The following AVEN variants were observed in gnomAD, a reference collection of about 807,000 sequenced individuals.
The protein encoded by AVEN is apoptosis and caspase activation inhibitor.
In AVEN, 41 loss-of-function variants were observed where a neutral mutation model predicts 38.1. That is an observed-to-expected ratio of 1.08 (90% CI 0.84 to 1.40). The LOEUF is 1.40. Ranked by LOEUF, AVEN falls within the 40% of genes most tolerant of loss-of-function variation. The pLI, the probability that AVEN is intolerant of heterozygous loss-of-function variation, is 0.00. For missense variants in AVEN, 605 were observed against 438.8 expected, an observed-to-expected ratio of 1.38 and a Z score of -3.38; for synonymous variants, 206 against 171.8, an observed-to-expected ratio of 1.20 and a Z score of -1.56.
chr15:33,853,908 G>A (rs2079365933), downstream of AVEN, among the ~76,000 whole-genome samples: 1 of 152,140 alleles, frequency 6.6e-6, no homozygotes, highest in South Asian at 2.1e-4. Flanking sequence ...AAAATTTCAG[G>A]TTGGGCTGGG....
At chr15:33,998,503 A>C (rs1897021683) in intron 2 of AVEN, among the ~76,000 whole-genome samples, 1 of 152,138 alleles carries the variant, frequency 6.6e-6, no homozygotes, top group South Asian at 2.1e-4. Flanking sequence ...GTCTTGACTC[A>C]CTTCTCCCAC....
intron 2 of AVEN, among the ~76,000 whole-genome samples, chr15:33,945,336 A>C (rs895711229): frequency 6.6e-6 from 1 of 152,132 alleles, no homozygotes; most frequent in African/African-American, 2.4e-5. Context: ...TCTCCACCGT[A>C]AGTGTCTCAT....
At chr15:33,957,600 T>C (rs1188326334) in intron 2 of AVEN, among the ~76,000 whole-genome samples, 17 of 152,092 alleles carry the variant, frequency 1.1e-4, no homozygotes, top group Admixed American at 7.9e-4. Flanking sequence ...ATCAAATGTC[T>C]GTCAACAGGA....
Position 34,063,343 on chromosome 15 carries a change from T to C in AVEN, n.1216A>G. On this transcript the variant is annotated non_coding_transcript_exon_variant, in exon 5 of 12. Transcript: ENST00000675287. This position sits in a 1 kb window ranked among gnomAD's most constrained non-coding sequence, Gnocchi z 4.1. ...GCCTTCTACATCCCTGTTTCTGTCA[T>C]GACCATCCTCTACTGTCGAATCTAC... 2 of 1,614,190 alleles carry C rather than the reference T, an allele frequency of 1.2e-6. No homozygotes were observed. Among genetic ancestry groups the C allele is most frequent in the East Asian group, 2.2e-5 (1 of 44,886 alleles).
At chr15:33,993,208 GAAGGT>G (rs1230313729) in intron 2 of AVEN, among the ~76,000 whole-genome samples, 5 of 152,170 alleles carry the variant, frequency 3.3e-5, no homozygotes, top group African/African-American at 1.2e-4. Context: ...TTTTACGTTT[GAAGGT>G]AAGAGTGGGG....
At chr15:33,896,193 G>A (rs1892226163) in intron 2 of AVEN, among the ~76,000 whole-genome samples, 1 of 152,120 alleles carries the variant, frequency 6.6e-6, no homozygotes, top group African/African-American at 2.4e-5. Context: ...AGCAATTTCT[G>A]ATATGCCATC....
intron 3 of AVEN, among the ~76,000 whole-genome samples, chr15:33,871,713 T>TA (rs1196007903): frequency 6.7e-6 from 1 of 149,638 alleles, no homozygotes; most frequent in Non-Finnish European, 1.5e-5. Context: ...AGGAAAGGGC[T>TA]ATTTAGGCAG....
chr15:33,863,492 G>C (rs1889274649), downstream of AVEN, among the ~76,000 whole-genome samples: 2 of 152,134 alleles, frequency 1.3e-5, no homozygotes, highest in African/African-American at 4.8e-5. Context: ...GGAAGGGCAA[G>C]AGCCTGGTTC....
At chr15:34,054,826 T>C (rs1226860642) in intron 5 of AVEN, among the ~76,000 whole-genome samples, 1 of 152,206 alleles carries the variant, frequency 6.6e-6, no homozygotes, top group African/African-American at 2.4e-5. Context: ...CCTGCACATG[T>C]ATCCCTGAAC....
chr15:33,980,109 ACT>A (rs1170086583), intron 2 of AVEN, among the ~76,000 whole-genome samples: 1 of 152,228 alleles, frequency 6.6e-6, no homozygotes, highest in East Asian at 1.9e-4. Flanking sequence ...CTCATAGTAA[ACT>A]AGTATGACTC....
chr15:33,995,382 G>A lies in AVEN; in HGVS notation c.445+7650C>T, dbSNP rs1896891226. 2.0e-5 allele frequency among the ~76,000 whole-genome samples: 3 copies of A among 152,258 alleles called. 1 individual carries two copies. The highest frequency in any genetic ancestry group is 7.2e-5 in the African/African-American group (3 of 41,536). ...ACTTACATTGCATTAGATATTATAA[G>A]TGATTTAAAGATGATTTAAAGTATA... On this transcript the variant is annotated intron_variant, in intron 2 of 5. Transcript: ENST00000306730.
chr15:33,872,342 G>C (rs1891005297), intron 3 of AVEN, among the ~76,000 whole-genome samples: 1 of 152,196 alleles, frequency 6.6e-6, no homozygotes, highest in African/African-American at 2.4e-5. Flanking sequence ...AGTAAGAAAA[G>C]AACCCGCTAT....
At chr15:34,030,954 A>G (rs1029215388) in intron 1 of AVEN, among the ~76,000 whole-genome samples, 2 of 152,032 alleles carry the variant, frequency 1.3e-5, no homozygotes, top group African/African-American at 4.8e-5. Context: ...GTAACTGTGA[A>G]TGGTCTTTTC....
chr15:33,976,055 T>C (rs944144861), intron 2 of AVEN, among the ~76,000 whole-genome samples: 1 of 152,318 alleles, frequency 6.6e-6, no homozygotes, highest in East Asian at 1.9e-4. Context: ...AACTCTGCAA[T>C]TTACTTGCTT....
intron 2 of AVEN, among the ~76,000 whole-genome samples, chr15:34,070,388 T>G (rs969029540): frequency 6.6e-6 from 1 of 151,962 alleles, no homozygotes; most frequent in African/African-American, 2.4e-5. Context: ...TTTTTTTTTT[T>G]AAATCGAACT....
chr15:33,889,466 A>G (rs188819827), intron 2 of AVEN, among the ~76,000 whole-genome samples: 1 of 152,260 alleles, frequency 6.6e-6, no homozygotes, highest in East Asian at 1.9e-4. Flanking sequence ...ATAATATTAG[A>G]CTAATTAGGA....
At chr15:33,891,357 T>A (rs867640071) in intron 2 of AVEN, among the ~76,000 whole-genome samples, 1 of 152,158 alleles carries the variant, frequency 6.6e-6, no homozygotes, top group East Asian at 1.9e-4. Context: ...ACATTAGGTA[T>A]TTCTCCTAAT....
intron 1 of AVEN, among the ~76,000 whole-genome samples, chr15:34,023,936 G>A (rs1898323780): frequency 6.6e-6 from 1 of 152,184 alleles, no homozygotes; most frequent in South Asian, 2.1e-4. Flanking sequence ...TATCCAGAGA[G>A]GAGCCCAGAG....
At chr15:33,873,611 ATATC>A (rs1221104306) in intron 3 of AVEN, among the ~76,000 whole-genome samples, 7 of 149,182 alleles carry the variant, frequency 4.7e-5, no homozygotes, top group African/African-American at 1.7e-4. Flanking sequence ...TATATTATAT[ATATC>A]CAGTTTTTTC....
Sources: allele counts gnomAD v4.1 joint callset (sites outside exome capture counted in the v4.1 genomes callset), GRCh38; gene constraint gnomAD v4.1.1; non-coding constraint Gnocchi (gnomAD v3.1); transcripts MANE v1.5; gene names NCBI Gene and HGNC (gene_info 2026-07-23, HGNC 2026-07-21).